The following ATP8A2 variants were observed in gnomAD, a reference collection of about 807,000 sequenced individuals.
ATP8A2 encodes the protein phospholipid-transporting ATPase IB.
In ATP8A2, 100 loss-of-function variants were observed where a neutral mutation model predicts 165.6. The observed-to-expected ratio is 0.60, with a 90% confidence interval of 0.51 to 0.71. The LOEUF (loss-of-function observed/expected upper bound fraction) is 0.71, where lower values mean the gene tolerates loss of function less well. Among genes scored for constraint, ATP8A2 ranks in the 30% least tolerant of loss-of-function variants. The pLI is 0.00. For missense variants in ATP8A2, 1,227 were observed against 1,479.5 expected (o/e 0.83, Z 2.80); for synonymous variants, 543 against 548.8 (o/e 0.99, Z 0.15).
chr13:25,528,577 T>G (rs2037914138), intron 2 of ATP8A2, among the ~76,000 whole-genome samples: 1 of 152,188 alleles, frequency 6.6e-6, no homozygotes, highest in Non-Finnish European at 1.5e-5. Flanking sequence ...GTACTTTGCT[T>G]CTGGTGTATT....
At chr13:25,897,671 C>T (rs1953601344) in intron 33 of ATP8A2, among the ~76,000 whole-genome samples, 1 of 152,194 alleles carries the variant, frequency 6.6e-6, no homozygotes, top group African/African-American at 2.4e-5. Flanking sequence ...TTCAGGTCCA[C>T]CAATTAGACA....
chr13:25,560,700 CAAAAAAAAAAAAAAA>C (rs748751011), intron 15 of ATP8A2, among the ~76,000 whole-genome samples: 21 of 63,292 alleles, frequency 3.3e-4, no homozygotes, highest in African/African-American at 1.0e-3. Flanking sequence ...ACTCTTGTCT[CAAAAAAAAAAAAAAA>C]AAAAAAAAAG....
At chr13:25,952,383 T>TC (rs1491301873) in intron 33 of ATP8A2, among the ~76,000 whole-genome samples, 9 of 72,558 alleles carry the variant, frequency 1.2e-4, no homozygotes, top group African/African-American at 4.0e-4. Context: ...TTCTTTTTCT[T>TC]CTTTTTTTTT....
chr13:25,465,374 C>G (rs1186850086), intron 1 of ATP8A2, among the ~76,000 whole-genome samples: 1 of 152,034 alleles, frequency 6.6e-6, no homozygotes, highest in African/African-American at 2.4e-5. Context: ...CCAAGGTTTT[C>G]CCTGTTGTGG....
At chr13:25,608,593 A>G (rs1442942855) in intron 24 of ATP8A2, among the ~76,000 whole-genome samples, 1 of 152,158 alleles carries the variant, frequency 6.6e-6, no homozygotes, top group African/African-American at 2.4e-5. Flanking sequence ...CTAGATAGTA[A>G]ATATTTTAGG....
At chr13:25,942,099 A>T (rs1324410) in intron 33 of ATP8A2, among the ~76,000 whole-genome samples, 4,988 of 152,318 alleles carry the variant, frequency 0.033, 274 homozygotes, top group African/African-American at 0.11. Context: ...TTTAAAAAAA[A>T]ACAACTGTTT....
intron 1 of ATP8A2, among the ~76,000 whole-genome samples, chr13:25,458,964 C>T (rs1023052514): frequency 6.6e-6 from 1 of 152,154 alleles, no homozygotes; most frequent in Non-Finnish European, 1.5e-5. Context: ...GCAGAGCCAT[C>T]TAGGGAACAC....
At chr13:25,766,869 G>A (rs2044501588) in intron 25 of ATP8A2, among the ~76,000 whole-genome samples, 1 of 152,286 alleles carries the variant, frequency 6.6e-6, no homozygotes, top group East Asian at 1.9e-4. Flanking sequence ...TGGAGTGTGA[G>A]ATGCAATTGT....
At position 25,642,579 on chromosome 13, in the gene ATP8A2, A is replaced by G. The variant is rs563492387; in HGVS notation, c.2211+52880A>G. 5.9e-5 allele frequency among the ~76,000 whole-genome samples: 9 copies of G among 152,314 alleles called. No individual in the cohort carries two copies. The East Asian group carries it at 1.7e-3, about 29-fold the overall frequency. ...CACCAGTTAGAATGGTGATCGTTAA[A>G]AAGTGAGGAAACAACAGGTGCTGGA... On this transcript the variant is annotated intron_variant, in intron 24 of 36. Transcript: ENST00000381655.
chr13:26,018,712 G>T (rs139723995), intron 36 of ATP8A2, among the ~76,000 whole-genome samples: 3 of 152,312 alleles, frequency 2.0e-5, no homozygotes, highest in Non-Finnish European at 4.4e-5. Flanking sequence ...CACTAAAGCT[G>T]GTTCTCAGCT....
At chr13:25,677,693 T>A (rs1566038644) in intron 24 of ATP8A2, among the ~76,000 whole-genome samples, 3 of 152,200 alleles carry the variant, frequency 2.0e-5, no homozygotes, top group Admixed American at 6.5e-5. Context: ...AGGTGGCCTG[T>A]ATTCTCTGTT....
intron 1 of ATP8A2, among the ~76,000 whole-genome samples, chr13:25,384,909 G>T (rs1337717930): frequency 6.6e-6 from 1 of 152,204 alleles, no homozygotes; most frequent in Admixed American, 6.5e-5. Context: ...AGGGCTGTGT[G>T]ACACTGCCTT....
At chr13:25,702,027 AAAAAG>A (rs1259068231) in intron 25 of ATP8A2, among the ~76,000 whole-genome samples, 2 of 151,098 alleles carry the variant, frequency 1.3e-5, no homozygotes, top group Non-Finnish European at 3.0e-5. Context: ...TGTACTTAAA[AAAAAG>A]AAAAAAGCAC....
chr13:25,572,831 C>G (rs995365596), intron 18 of ATP8A2, among the ~76,000 whole-genome samples: 3 of 152,172 alleles, frequency 2.0e-5, no homozygotes, highest in Non-Finnish European at 4.4e-5. Context: ...ATTTGAAATT[C>G]ACTTCCAAAT....
intron 24 of ATP8A2, among the ~76,000 whole-genome samples, chr13:25,696,243 C>T (rs2042831822): frequency 6.6e-6 from 1 of 151,856 alleles, no homozygotes; most frequent in Admixed American, 6.6e-5. Context: ...GTGGTGTTAG[C>T]CAGGCTTTGT....
Position 25,469,084 on chromosome 13 carries a change from C to A in ATP8A2, c.184C>A (p.Gln62Lys), listed in dbSNP as rs761517856. ...ACCCGCCCGCACCATTTACCTCAAC[C>A]AACCGCATCTCAACAAATTCCGCGA... ...EAPARTIYLN[Q>K]PHLNKFRDNQ... Residue 62 changes from glutamine to lysine, a missense_variant, in exon 2 of 37, where the codon CAA (glutamine) becomes AAA (lysine). Gln to Lys is a moderately conservative substitution (Grantham distance 53). Around this residue, in one of 5 missense-constraint regions of ATP8A2, gnomAD observed 356 missense variants for 394.9 expected, o/e 0.90. Coordinates refer to ENST00000381655, the MANE Select transcript of ATP8A2 (RefSeq NM_016529.6). The A allele has an allele frequency of 6.2e-7, 1 of 1,614,048 alleles. No individual in the cohort carries two copies.
At chr13:25,779,073 G>A (rs2044809516) in intron 27 of ATP8A2, among the ~76,000 whole-genome samples, 1 of 151,312 alleles carries the variant, frequency 6.6e-6, no homozygotes, top group Admixed American at 6.6e-5. Flanking sequence ...AAATGGCTAT[G>A]GTGGCAGACT....
rs372474324 is a variant in ATP8A2, at chr13:25,543,301, C to T, written c.790C>T (p.Leu264Phe). The T allele has an allele frequency of 6.2e-7, 1 of 1,601,702 alleles. No homozygotes were observed. The highest frequency in any genetic ancestry group is 1.3e-5 in the African/African-American group (1 of 74,630). ...GTTTTTTATTTTTAGCCTTGTTGCCCTTGGGCCTGACCAGATCTTATTAAG... is the reference window on the plus strand; with the variant it reads ...GTTTTTTATTTTTAGCCTTGTTGCCTTTGGGCCTGACCAGATCTTATTAAG... ...LNLDGKSLVA[L>F]GPDQILLRGT... Residue 264 changes from leucine to phenylalanine, a missense_variant, in exon 10 of 37, where the codon CTT becomes TTT. Physicochemically the swap from Leu to Phe is conservative, Grantham distance 22. Coordinates refer to ENST00000381655, the MANE Select transcript of ATP8A2 (RefSeq NM_016529.6).
intron 33 of ATP8A2, among the ~76,000 whole-genome samples, chr13:25,932,187 G>A (rs926716299): frequency 3.3e-5 from 5 of 152,170 alleles, no homozygotes; most frequent in African/African-American, 1.2e-4. Flanking sequence ...CAGCTTAGCT[G>A]GCTGAGCAGA....
Sources: gnomAD v4.1 joint callset for allele counts (sites outside exome capture counted in the v4.1 genomes callset) on GRCh38, gnomAD v4.1.1 for gene constraint, gnomAD v4.1.1 regional missense constraint, MANE v1.5 for transcripts, NCBI Gene and HGNC (gene_info 2026-07-23, HGNC 2026-07-21) for gene names.